CDK5RAP2: variants seen among roughly 807,000 people sequenced by gnomAD.
CDK5RAP2 encodes CDK5 regulatory subunit associated protein 2.
In CDK5RAP2, 147 loss-of-function variants were observed where a neutral mutation model predicts 232.9. The ratio of observed to expected loss-of-function variants is 0.63; its 90% CI spans 0.55 to 0.72. The LOEUF (loss-of-function observed/expected upper bound fraction) is 0.72, where lower values mean the gene tolerates loss of function less well. Ranked by LOEUF, CDK5RAP2 falls within the 30% of genes least tolerant of loss-of-function variation. CDK5RAP2 has a pLI of 0.00. For missense variants in CDK5RAP2, 2,195 were observed against 2,231.5 expected (o/e 0.98, Z 0.33); for synonymous variants, 833 against 833.7 (o/e 1.00, Z 0.01).
intron 18 of CDK5RAP2, among the ~76,000 whole-genome samples, chr9:120,463,983 C>T (rs1396635113): frequency 1.3e-5 from 2 of 152,236 alleles, no homozygotes; most frequent in African/African-American, 4.8e-5. Flanking sequence ...CAAGTGTCAA[C>T]TGGCTCTATC....
intron 22 of CDK5RAP2, among the ~76,000 whole-genome samples, chr9:120,447,356 G>A (rs1043833703): frequency 4.6e-5 from 7 of 152,174 alleles, no homozygotes; most frequent in Non-Finnish European, 1.0e-4. Context: ...CTTCCTCCAA[G>A]TCTCTGGATC....
chr9:120,468,767 G>A (rs762918007), intron 17 of CDK5RAP2, among the ~76,000 whole-genome samples: 51 of 152,170 alleles, frequency 3.4e-4, no homozygotes, highest in Middle Eastern at 3.2e-3. Flanking sequence ...TGGGTCTTGC[G>A]AGGCCACACA....
At chr9:120,451,367 C>T (rs2036470545) in intron 21 of CDK5RAP2, among the ~76,000 whole-genome samples, 1 of 152,186 alleles carries the variant, frequency 6.6e-6, no homozygotes, top group African/African-American at 2.4e-5. Flanking sequence ...CGGATGCAAA[C>T]ACATGTATAT....
At chr9:120,458,252 G>A (rs1437907726) in intron 20 of CDK5RAP2, among the ~76,000 whole-genome samples, 198 bp downstream of exon 20, 1 of 152,106 alleles carries the variant, frequency 6.6e-6, no homozygotes, top group Non-Finnish European at 1.5e-5. Context: ...CTTACATGAG[G>A]CTTTGCTGAC....
chr9:120,561,597 G>C (rs1236071499), intron 3 of CDK5RAP2, among the ~76,000 whole-genome samples: 6 of 152,106 alleles, frequency 3.9e-5, no homozygotes, highest in African/African-American at 1.4e-4. Flanking sequence ...ACCACACCCA[G>C]CCTCAATAAC....
At chr9:120,494,172 A>C (rs1345487749) in intron 12 of CDK5RAP2, among the ~76,000 whole-genome samples, 1 of 150,032 alleles carries the variant, frequency 6.7e-6, no homozygotes, top group Non-Finnish European at 1.5e-5. Flanking sequence ...ACACACACAG[A>C]GAATTGGAAA....
chr9:120,545,932 A>G (rs946151332), intron 4 of CDK5RAP2, 142 bp from the exon 5 acceptor site: 1 of 708,208 alleles, frequency 1.4e-6, no homozygotes, highest in East Asian at 2.7e-5. Context: ...AACCCTCATT[A>G]GCCTCAGGGC....
At chr9:120,452,913 T>C (rs2036554362) in intron 21 of CDK5RAP2, among the ~76,000 whole-genome samples, 1 of 152,062 alleles carries the variant, frequency 6.6e-6, no homozygotes. Flanking sequence ...AGAATATAGA[T>C]GAAGCCCTCA....
chr9:120,538,963 A>C (rs1449728408), intron 6 of CDK5RAP2, 78 bp downstream of exon 6: 1 of 1,507,158 alleles, frequency 6.6e-7, no homozygotes, highest in African/African-American at 1.4e-5. Flanking sequence ...ACGGTTTATA[A>C]AAAAAGAAAC....
chr9:120,451,442 A>G (rs1257247966), intron 21 of CDK5RAP2, among the ~76,000 whole-genome samples: 1 of 152,216 alleles, frequency 6.6e-6, no homozygotes. Context: ...CCGTGTTTCT[A>G]TAACTAAACA....
At position 120,536,679 on chromosome 9, in the gene CDK5RAP2, A is replaced by T. The variant is rs562538606; in HGVS notation, c.508-153T>A. The T allele has an allele frequency of 3.7e-6, 3 of 802,710 alleles. 1 individual carries two copies. The South Asian group carries it at 4.4e-5, about 12-fold the overall frequency. The allele number at this position is 802,710 out of a possible 1,614,324, so 49.7% of individuals were successfully genotyped here. A position where few individuals can be genotyped will look rare whatever the true frequency, so the allele number is the denominator to read the frequency against. ...CTATACATGGAGAGAATCAGTAATA[A>T]ATACATTTGCCAGCCATTTTTCCCT... On this transcript the variant is annotated intron_variant, in intron 6 of 37. Transcript: ENST00000349780.
In CDK5RAP2 at chr9:120,467,940, T is replaced by C; in HGVS notation, c.2026A>G (p.Lys676Glu). Reference protein sequence around the residue: ...ELYTDNQHLKKTIFDLSCMGF... With the variant: ...ELYTDNQHLKETIFDLSCMGF... The stretch of plus-strand genomic sequence containing the variant: ...ATGCAGGAGAGATCAAAAATGGTTT[T>C]CTTCAGGTGCTGGTTGTCTGTATAC... Residue 676 changes from lysine to glutamate, a missense_variant, in exon 18 of 38, where the codon AAA (lysine) becomes GAA (glutamate). Lys to Glu is a moderately conservative substitution (Grantham distance 56). Coordinates refer to ENST00000349780, the MANE Select transcript of CDK5RAP2 (RefSeq NM_018249.6). The C allele has an allele frequency of 6.2e-7, 1 of 1,614,174 alleles. No homozygotes were observed. Among genetic ancestry groups the C allele is most frequent in the Non-Finnish European group, 8.5e-7 (1 of 1,180,004 alleles).
rs530613491 is a variant in CDK5RAP2 at position 120,437,542 on chromosome 9, G to T, written c.3723-15C>A. The T allele has an allele frequency of 1.3e-6, 2 of 1,575,488 alleles. No homozygotes were observed. Among genetic ancestry groups the T allele is most frequent in the South Asian group, 1.1e-5 (1 of 90,280 alleles). On this transcript the variant is annotated splice_polypyrimidine_tract_variant and intron_variant, in intron 24 of 37. Coordinates refer to ENST00000349780, the MANE Select transcript of CDK5RAP2 (RefSeq NM_018249.6). ...ATGAATCGTATCTGATAAAAGAGGG[G>T]AAAGAAAATACTTGGACCATTTTAG... is the stretch of plus-strand genomic sequence containing the variant.
At chr9:120,541,218 AC>A (rs773385187) in intron 5 of CDK5RAP2, among the ~76,000 whole-genome samples, 31 of 150,622 alleles carry the variant, frequency 2.1e-4, no homozygotes, top group Non-Finnish European at 4.0e-4. Flanking sequence ...CCTTTCCCTT[AC>A]CCCTCCACCC....
At chr9:120,531,630 C>T (rs2041156733) in intron 7 of CDK5RAP2, among the ~76,000 whole-genome samples, 1 of 151,348 alleles carries the variant, frequency 6.6e-6, no homozygotes, top group African/African-American at 2.4e-5. Context: ...TTTTTTTTAA[C>T]ATGTAACAAT....
chr9:120,477,163 T>C (rs1376558359), intron 15 of CDK5RAP2, among the ~76,000 whole-genome samples, 187 bp downstream of exon 15: 1 of 152,250 alleles, frequency 6.6e-6, no homozygotes, highest in South Asian at 2.1e-4. Context: ...CAATTCTTGA[T>C]AGAAAACAGG....
At chr9:120,466,720 T>A (rs1389145736) in intron 18 of CDK5RAP2, among the ~76,000 whole-genome samples, 1 of 152,184 alleles carries the variant, frequency 6.6e-6, no homozygotes. Flanking sequence ...AGATCAATAA[T>A]GTTCCCTCTC....
chr9:120,539,803 T>C (rs2041550078), intron 5 of CDK5RAP2, among the ~76,000 whole-genome samples: 2 of 152,212 alleles, frequency 1.3e-5, no homozygotes, highest in Admixed American at 1.3e-4. Flanking sequence ...AGCCCACTGC[T>C]AAGATTCTGG....
intron 6 of CDK5RAP2, among the ~76,000 whole-genome samples, chr9:120,537,032 C>T (rs964337810): frequency 2.7e-5 from 4 of 149,710 alleles, no homozygotes; most frequent in South Asian, 2.1e-4. Flanking sequence ...GAGAAGCCAA[C>T]GAGGAAATTA....
Sources: allele counts gnomAD v4.1 joint callset (sites outside exome capture counted in the v4.1 genomes callset), GRCh38; gene constraint gnomAD v4.1.1; transcripts MANE v1.5; gene names NCBI Gene and HGNC (gene_info 2026-07-23, HGNC 2026-07-21).